The following RYR2 variants were observed in gnomAD, a reference collection of about 807,000 sequenced individuals.
RYR2 encodes ryanodine receptor 2, also known as cardiac muscle ryanodine receptor-calcium release channel.
A neutral mutation model predicts 601.1 loss-of-function variants in RYR2; 227 were observed. The ratio of observed to expected loss-of-function variants is 0.38; its 90% CI spans 0.34 to 0.42. RYR2 has a LOEUF of 0.42. Ranked by LOEUF, RYR2 falls within the 10% of genes least tolerant of loss-of-function variation. The probability of loss-of-function intolerance (pLI) is 1.00; values close to 1 mark genes in which losing one functional copy is unlikely to be tolerated. For missense variants in RYR2, 4,646 were observed against 6,156.5 expected, an observed-to-expected ratio of 0.75 and a Z score of 8.21; for synonymous variants, 2,223 against 2,175.1, an observed-to-expected ratio of 1.02 and a Z score of -0.61.
intron 1 of RYR2, among the ~76,000 whole-genome samples, chr1:237,049,124 C>T (rs1387288315): frequency 1.3e-5 from 2 of 151,896 alleles, no homozygotes; most frequent in Non-Finnish European, 2.9e-5. Context: ...GAGGGGACAC[C>T]CGGAGAAGGC....
At chr1:237,786,434 T>C (rs551636289) in intron 91 of RYR2, among the ~76,000 whole-genome samples, 1 of 152,344 alleles carries the variant, frequency 6.6e-6, no homozygotes, top group East Asian at 1.9e-4. Flanking sequence ...TGCGCTTTCA[T>C]AGAATCCTGT....
chr1:237,746,579 G>T (rs926433725), intron 80 of RYR2, among the ~76,000 whole-genome samples: 9 of 151,874 alleles, frequency 5.9e-5, no homozygotes, highest in African/African-American at 1.5e-4. Flanking sequence ...AAATTAAAAC[G>T]TGCCTGATTT....
intron 12 of RYR2, among the ~76,000 whole-genome samples, chr1:237,433,137 T>C (rs1706999342): frequency 6.6e-6 from 1 of 152,012 alleles, no homozygotes; most frequent in South Asian, 2.1e-4. Context: ...ATAGAAGGCA[T>C]TTCTGATACT....
chr1:237,552,755 A>G (rs1023621223), intron 27 of RYR2, among the ~76,000 whole-genome samples: 1 of 151,924 alleles, frequency 6.6e-6, no homozygotes, highest in Non-Finnish European at 1.5e-5. Context: ...AATAGTAATA[A>G]TTTACTGTTT....
At position 237,114,400 on chromosome 1, in the gene RYR2, G is replaced by A. The variant is rs2148607024; in HGVS notation, c.48+71831G>A. 1.3e-5 allele frequency among the ~76,000 whole-genome samples: 2 copies of A among 152,248 alleles called. 1 individual carries two copies. The highest frequency in any genetic ancestry group is 6.8e-3 in the Middle Eastern group (2 of 294). ...GACATTGTGTCACATTAAGGCTTTTGAAGGTGATGAAATGGACATGACATC... is the reference window on the plus strand; with the variant it reads ...GACATTGTGTCACATTAAGGCTTTTAAAGGTGATGAAATGGACATGACATC... On this transcript the variant is annotated intron_variant, in intron 1 of 104. Transcript: ENST00000366574.
intron 1 of RYR2, among the ~76,000 whole-genome samples, chr1:237,085,435 C>T (rs1270225930): frequency 6.6e-6 from 1 of 152,190 alleles, no homozygotes; most frequent in Non-Finnish European, 1.5e-5. Flanking sequence ...AGATAAAATT[C>T]TTAACTTGCT....
intron 34 of RYR2, among the ~76,000 whole-genome samples, chr1:237,599,975 A>G (rs994495295): frequency 3.9e-5 from 6 of 152,186 alleles, no homozygotes; most frequent in African/African-American, 4.8e-5. Flanking sequence ...GGAAGAATTA[A>G]TATTATTAAA....
chr1:237,782,262 A>C (rs987087787), intron 89 of RYR2, among the ~76,000 whole-genome samples: 1 of 150,288 alleles, frequency 6.7e-6, no homozygotes, highest in African/African-American at 2.5e-5. Flanking sequence ...CAGAGTTTAA[A>C]TCCTGGCTTC....
At chr1:237,795,836 GTA>G (rs1553329286) in intron 96 of RYR2, among the ~76,000 whole-genome samples, 10 of 132,670 alleles carry the variant, frequency 7.5e-5, no homozygotes, top group African/African-American at 1.1e-4. Flanking sequence ...GTGTGTGTGT[GTA>G]TATATATATA....
chr1:237,327,555 T>TA, intron 2 of RYR2, among the ~76,000 whole-genome samples: 1 of 152,198 alleles, frequency 6.6e-6, no homozygotes, highest in Non-Finnish European at 1.5e-5. Flanking sequence ...TTCTTGACAA[T>TA]ACTGGAACAT....
chr1:237,311,539 G>T (rs1694569127), intron 2 of RYR2, among the ~76,000 whole-genome samples: 2 of 151,662 alleles, frequency 1.3e-5, no homozygotes, highest in South Asian at 2.1e-4. Flanking sequence ...GTGTGCAGTG[G>T]CAAGATCTTG....
chr1:237,602,026 T>A lies in RYR2; in HGVS notation c.4598T>A (p.Val1533Glu). Residue 1533 changes from valine (V) to glutamate (E), a missense_variant and splice_region_variant, in exon 35 of 105, where the codon GTG becomes GAG. Physicochemically the swap from Val to Glu is moderately radical, Grantham distance 121. Around this residue, in one of 17 missense-constraint regions of RYR2, gnomAD observed 1,807 missense variants for 2,088.1 expected, o/e 0.87. Coordinates refer to ENST00000366574, the MANE Select transcript of RYR2 (RefSeq NM_001035.3). The stretch of plus-strand genomic sequence containing the variant: ...TTAAATTCATTAAATGTATTTCAGG[T>A]GGAACCGAGTACAAAATTATTTCCT... Reference protein sequence around the residue: ...NGKELSTYYQVEPSTKLFPAV... With the variant: ...NGKELSTYYQEEPSTKLFPAV... The A allele has an allele frequency of 1.9e-6, 3 of 1,611,392 alleles. No homozygotes were observed. The highest frequency in any genetic ancestry group is 2.5e-6 in the Non-Finnish European group (3 of 1,178,518).
chr1:237,629,205 A>T (rs663152), intron 41 of RYR2, among the ~76,000 whole-genome samples: 113,490 of 151,734 alleles, frequency 0.75, 43,417 homozygotes, highest in Non-Finnish European at 0.82. Context: ...TAGTTCGGGG[A>T]TTTGAAAATA....
chr1:237,064,942 T>C (rs1233345993), intron 1 of RYR2, among the ~76,000 whole-genome samples: 1 of 152,126 alleles, frequency 6.6e-6, no homozygotes, highest in East Asian at 1.9e-4. Context: ...TACCAGCGTC[T>C]CTATCATAAC....
Position 237,722,538 on chromosome 1 carries a change from G to A in RYR2, c.10555-590G>A, listed in dbSNP as rs546042320. ...AAGCTCCGCCTCCCGGGTTCACGCT[G>A]TTCTCCTGCCTCAGCCTCCCGAGTA... On this transcript the variant is annotated intron_variant, in intron 73 of 104. Coordinates refer to ENST00000366574, the MANE Select transcript of RYR2 (RefSeq NM_001035.3). 5.0e-4 allele frequency among the ~76,000 whole-genome samples: 75 copies of A among 151,194 alleles called. 1 individual carries two copies. The highest frequency in any genetic ancestry group is 1.6e-3 in the African/African-American group (67 of 41,232).
intron 27 of RYR2, among the ~76,000 whole-genome samples, chr1:237,560,403 G>A (rs1040576266): frequency 6.6e-6 from 1 of 152,194 alleles, no homozygotes; most frequent in Non-Finnish European, 1.5e-5. Context: ...AAGTCTTACC[G>A]ATGGAATTTT....
chr1:237,829,361 T>C (rs964804982), intron 102 of RYR2, among the ~76,000 whole-genome samples: 7 of 152,080 alleles, frequency 4.6e-5, no homozygotes, highest in African/African-American at 1.4e-4. Context: ...CACATGGGAG[T>C]TGGGCAAGTA....
intron 1 of RYR2, among the ~76,000 whole-genome samples, chr1:237,083,386 C>G (rs147324389): frequency 0.01 from 1,586 of 152,258 alleles, 38 homozygotes; most frequent in African/African-American, 0.036. Context: ...CCAGGTAACC[C>G]TCCCTCAGCA....
intron 29 of RYR2, among the ~76,000 whole-genome samples, chr1:237,576,614 T>C (rs148520867): frequency 1.3e-5 from 2 of 152,136 alleles, no homozygotes; most frequent in East Asian, 3.9e-4. Flanking sequence ...ACAGCAAAAC[T>C]TTGAAACCAC....
Sources: gnomAD v4.1 joint callset for allele counts (sites outside exome capture counted in the v4.1 genomes callset) on GRCh38, gnomAD v4.1.1 for gene constraint, gnomAD v4.1.1 regional missense constraint, MANE v1.5 for transcripts, NCBI Gene and HGNC (gene_info 2026-07-23, HGNC 2026-07-21) for gene names.